The following DPP6 variants were observed in gnomAD, a reference collection of about 807,000 sequenced individuals.
DPP6 encodes the protein A-type potassium channel modulatory protein DPP6.
In DPP6, 69 loss-of-function variants were observed where a neutral mutation model predicts 122.6. The observed-to-expected ratio is 0.56, with a 90% CI of 0.46 to 0.69. DPP6 has a LOEUF of 0.69. DPP6 is among the 30% of genes least tolerant of loss of function. DPP6 has a pLI of 0.00. For synonymous variants in DPP6, 418 were observed against 433.1 expected (o/e 0.97, Z 0.43); for missense variants, 928 against 1,116.9 (o/e 0.83, Z 2.41).
chr7:154,010,430 G>C (rs1454391379), intron 1 of DPP6, among the ~76,000 whole-genome samples: 3 of 152,256 alleles, frequency 2.0e-5, no homozygotes, highest in African/African-American at 7.2e-5. Flanking sequence ...ATGGAAGTCA[G>C]AGTCAAACTC....
intron 1 of DPP6, among the ~76,000 whole-genome samples, chr7:153,907,059 G>A (rs1799881942): frequency 1.3e-5 from 2 of 152,114 alleles, no homozygotes; most frequent in Admixed American, 6.5e-5. Flanking sequence ...TCCATTTTTA[G>A]TTCTTTGAGA....
At chr7:154,248,928 A>T (rs991793025) in intron 1 of DPP6, among the ~76,000 whole-genome samples, 1 of 152,230 alleles carries the variant, frequency 6.6e-6, no homozygotes, top group Admixed American at 6.5e-5. Context: ...TTCAATGTAT[A>T]TAAATTTTAC....
chr7:154,456,645 T>C (rs1245950457), intron 2 of DPP6, among the ~76,000 whole-genome samples: 1 of 152,188 alleles, frequency 6.6e-6, no homozygotes, highest in Non-Finnish European at 1.5e-5. Context: ...AGGGGGCCTT[T>C]TGTGGCTACA....
At chr7:154,104,209 G>A (rs538191473) in intron 1 of DPP6, among the ~76,000 whole-genome samples, 38 of 152,318 alleles carry the variant, frequency 2.5e-4, no homozygotes, top group Admixed American at 2.0e-4. Flanking sequence ...GTGGAGATGC[G>A]TCACCTGTAG....
At chr7:154,768,416 T>C (rs922489203) in intron 8 of DPP6, among the ~76,000 whole-genome samples, 5 of 152,238 alleles carry the variant, frequency 3.3e-5, no homozygotes, top group Non-Finnish European at 7.3e-5. Context: ...ATAGAGCAGA[T>C]TTATGGTACG....
At chr7:154,074,112 G>GAT (rs1251504722) in intron 1 of DPP6, among the ~76,000 whole-genome samples, 1 of 40,566 alleles carries the variant, frequency 2.5e-5, no homozygotes, top group Admixed American at 2.5e-4. Flanking sequence ...GAGATAGAGA[G>GAT]ATATATATAG....
chr7:153,889,149 C>A (rs1222573113), intron 1 of DPP6, among the ~76,000 whole-genome samples: 1 of 152,098 alleles, frequency 6.6e-6, no homozygotes, highest in African/African-American at 2.4e-5. Context: ...TCTTCAGGAC[C>A]CTCCCCACTC....
intron 5 of DPP6, among the ~76,000 whole-genome samples, chr7:154,616,485 G>A (rs1164278464): frequency 2.6e-5 from 4 of 152,116 alleles, no homozygotes; most frequent in African/African-American, 9.7e-5. Flanking sequence ...AATACTGAGA[G>A]GGGTCTAAAA....
intron 7 of DPP6, among the ~76,000 whole-genome samples, chr7:154,700,507 A>G: frequency 6.6e-6 from 1 of 152,200 alleles, no homozygotes; most frequent in East Asian, 1.9e-4. Context: ...TTTTAGGCTG[A>G]AAGGACTGAG....
chr7:154,572,524 T>C (rs1160882163), intron 5 of DPP6, among the ~76,000 whole-genome samples: 14 of 121,978 alleles, frequency 1.1e-4, no homozygotes, highest in Non-Finnish European at 1.9e-4. Context: ...TTTTTTTTTT[T>C]TTTTTTTTTT....
intron 6 of DPP6, 48 bp from the exon 7 acceptor site, chr7:154,669,312 T>G (rs1432320113): frequency 6.4e-7 from 1 of 1,551,452 alleles, no homozygotes; most frequent in African/African-American, 1.4e-5. Context: ...CTTAAATTCT[T>G]GGTTCCCAAC....
At chr7:154,236,264 T>C (rs1801207647) in intron 1 of DPP6, among the ~76,000 whole-genome samples, 1 of 152,220 alleles carries the variant, frequency 6.6e-6, no homozygotes, top group Admixed American at 6.5e-5. Flanking sequence ...ACCTGGTACA[T>C]TTTAAACACC....
chr7:154,616,603 C>T (rs1352089888), intron 5 of DPP6, among the ~76,000 whole-genome samples: 3 of 152,112 alleles, frequency 2.0e-5, no homozygotes, highest in African/African-American at 4.8e-5. Context: ...AGCGAATCCC[C>T]AAGGGGGTCA....
intron 10 of DPP6, among the ~76,000 whole-genome samples, chr7:154,774,512 C>G (rs1796446158): frequency 6.6e-6 from 1 of 152,268 alleles, no homozygotes; most frequent in Middle Eastern, 3.4e-3. Flanking sequence ...GCTTCAAGGA[C>G]AATGAAAAAT....
At chr7:154,500,836 G>A (rs1458843371) in intron 3 of DPP6, among the ~76,000 whole-genome samples, 1 of 152,184 alleles carries the variant, frequency 6.6e-6, no homozygotes, top group African/African-American at 2.4e-5. Flanking sequence ...TTTGGAACTG[G>A]GTAACAGGCA....
intron 17 of DPP6, among the ~76,000 whole-genome samples, chr7:154,856,492 T>C (rs1309394914): frequency 6.6e-6 from 1 of 152,190 alleles, no homozygotes; most frequent in Non-Finnish European, 1.5e-5. Context: ...AATAAGGTAA[T>C]CTATAGGTGG....
chr7:154,455,357 G>A (rs2151306124), intron 2 of DPP6, among the ~76,000 whole-genome samples: 1 of 152,254 alleles, frequency 6.6e-6, no homozygotes, highest in Admixed American at 6.5e-5. Flanking sequence ...GAGAGGCACT[G>A]GCTCTTGGGG....
chr7:154,102,438 C>T (rs189267166), intron 1 of DPP6, among the ~76,000 whole-genome samples: 1 of 152,176 alleles, frequency 6.6e-6, no homozygotes, highest in African/African-American at 2.4e-5. Flanking sequence ...ATCCGCCCGC[C>T]TCAGCCTCCC....
At chr7:154,855,608 A>T (rs879543803) in intron 17 of DPP6, among the ~76,000 whole-genome samples, 20 of 152,006 alleles carry the variant, frequency 1.3e-4, no homozygotes, top group African/African-American at 4.8e-4. Context: ...GCATCCACCC[A>T]CCCTCTGCCC....
Sources: allele counts gnomAD v4.1 joint callset (sites outside exome capture counted in the v4.1 genomes callset), GRCh38; gene constraint gnomAD v4.1.1; transcripts MANE v1.5; gene names NCBI Gene and HGNC (gene_info 2026-07-23, HGNC 2026-07-21).